Variants in TERF2 observed in about 807,000 individuals in gnomAD.
The protein encoded by TERF2 is telomeric repeat binding factor 2, also known as telomeric repeat-binding factor 2.
TERF2 carries 16 observed loss-of-function variants against 56.1 expected under a neutral mutation model. The observed-to-expected ratio is 0.29, with a 90% confidence interval of 0.19 to 0.43. The LOEUF is 0.43. TERF2 is among the 20% of genes least tolerant of loss of function. TERF2 has a pLI of 1.00. For missense variants in TERF2, 547 were observed against 712.9 expected, an observed-to-expected ratio of 0.77 and a Z score of 2.65; for synonymous variants, 296 against 282.1, an observed-to-expected ratio of 1.05 and a Z score of -0.50.
intron 8 of TERF2, 36 bp from the exon 9 acceptor site, chr16:69,357,597 C>A: frequency 6.2e-7 from 1 of 1,609,832 alleles, no homozygotes; most frequent in South Asian, 1.1e-5. Context: ...TTTCAGAGTT[C>A]ACCTTTCTCT....
At position 69,383,462 on chromosome 16, in the gene TERF2, T is replaced by G. The variant is rs79375086; in HGVS notation, c.606+1118A>C. Among the ~76,000 whole-genome samples the G allele has an allele frequency of 4.9e-3, 742 of 152,346 alleles. 6 individuals carry two copies. The highest frequency in any genetic ancestry group is 8.1e-3 in the Non-Finnish European group (554 of 68,032). ...AAAAGATCCTTAACAGTTCTGAAAGTAGGCATGAATTTCTCCTCCCTTGAT... is the reference window on the plus strand; with the variant it reads ...AAAAGATCCTTAACAGTTCTGAAAGGAGGCATGAATTTCTCCTCCCTTGAT... On this transcript the variant is annotated intron_variant, in intron 3 of 9. Coordinates refer to ENST00000254942, the MANE Select transcript of TERF2 (RefSeq NM_005652.5).
At chr16:69,372,468 C>G in intron 3 of TERF2, 113 bp from the exon 4 acceptor site, 1 of 746,244 alleles carries the variant, frequency 1.3e-6, no homozygotes, top group Non-Finnish European at 2.1e-6. Flanking sequence ...TACTTAAAAA[C>G]TAACAATTAT....
chr16:69,365,839 T>A (rs1402009540), intron 7 of TERF2: 1 of 152,222 alleles, frequency 6.6e-6, no homozygotes, highest in African/African-American at 2.4e-5. Flanking sequence ...GGAAGGAGAA[T>A]TGTAAGAGAG....
At chr16:69,372,430 C>T (rs1312131992) in intron 3 of TERF2, 75 bp from the exon 4 acceptor site, 8 of 958,398 alleles carry the variant, frequency 8.3e-6, no homozygotes, top group African/African-American at 8.3e-5. Context: ...ATCAAAATAA[C>T]TCTCTCTCAC....
rs1247554270 is a variant in TERF2, at chr16:69,361,478, C to G, written c.1352G>C (p.Gly451Ala). 1 of 1,613,374 alleles carries G rather than the reference C, an allele frequency of 6.2e-7. No homozygotes were observed. The highest frequency in any genetic ancestry group is 1.1e-5 in the South Asian group (1 of 91,068). ...PGEKNPKVPK[G>A]KWNSSNGVEE... is the part of the protein sequence containing the mutation. Reference sequence around the variant, plus strand: ...AACCCCATTAGAGCTGTTCCACTTGCCTTTGGGTACTCTGAGGGGAGATCA... The same window carrying G: ...AACCCCATTAGAGCTGTTCCACTTGGCTTTGGGTACTCTGAGGGGAGATCA... The change falls in exon 8 of 10, where the codon GGC becomes GCC. Residue 451 changes from glycine to alanine, a missense_variant. Around this residue, in one of 6 missense-constraint regions of TERF2, gnomAD observed 211 missense variants for 236.8 expected, o/e 0.89. Coordinates refer to ENST00000254942, the MANE Select transcript of TERF2 (RefSeq NM_005652.5).
intron 3 of TERF2, among the ~76,000 whole-genome samples, chr16:69,373,990 G>A (rs2013673755): frequency 6.6e-6 from 1 of 152,186 alleles, no homozygotes; most frequent in Admixed American, 6.5e-5. Context: ...GCCATACAGG[G>A]CGGAAGGCAA....
At chr16:69,361,955 C>T (rs748211379) in intron 7 of TERF2, among the ~76,000 whole-genome samples, 1 of 98,152 alleles carries the variant, frequency 1.0e-5, no homozygotes, top group African/African-American at 3.9e-5. Flanking sequence ...TAACTAGAGT[C>T]TCTGCCGCTA....
chr16:69,384,824 T>C, intron 2 of TERF2, 114 bp from the exon 3 acceptor site: 3 of 1,014,738 alleles, frequency 3.0e-6, no homozygotes, highest in Middle Eastern at 2.8e-4. Flanking sequence ...TGGTAAGATT[T>C]GCATTTAATT....
intron 3 of TERF2, among the ~76,000 whole-genome samples, chr16:69,377,933 C>T (rs1567454061): frequency 6.6e-6 from 1 of 151,864 alleles, no homozygotes; most frequent in Non-Finnish European, 1.5e-5. Context: ...ATTCTGTATG[C>T]TTTTTCCCCC....
At chr16:69,357,661 A>T (rs185930328) in intron 8 of TERF2, 100 bp from the exon 9 acceptor site, 2 of 1,400,882 alleles carry the variant, frequency 1.4e-6, no homozygotes, top group African/African-American at 2.9e-5. Flanking sequence ...AACTTCTTCA[A>T]ATTTCACAAG....
At chr16:69,368,219 C>T (rs565274860) in intron 6 of TERF2, among the ~76,000 whole-genome samples, 157 bp downstream of exon 6, 2 of 152,274 alleles carry the variant, frequency 1.3e-5, no homozygotes, top group East Asian at 3.9e-4. Flanking sequence ...CTTATCTTCC[C>T]AGGGTGTGCA....
chr16:69,361,513 C>T (rs1223230695), intron 7 of TERF2, 24 bp from the exon 8 acceptor site: 3 of 1,549,068 alleles, frequency 1.9e-6, no homozygotes, highest in Admixed American at 3.3e-5. Flanking sequence ...AAGGAGAGCA[C>T]AGGTATAAAA....
At chr16:69,366,726 T>C in intron 7 of TERF2, 81 bp downstream of exon 7, 3 of 1,497,930 alleles carry the variant, frequency 2.0e-6, no homozygotes, top group Non-Finnish European at 2.7e-6. Flanking sequence ...AGCTGAAAGT[T>C]ACTTCATTCA....
At chr16:69,370,850 C>CTAT (rs1368868708) in intron 4 of TERF2, among the ~76,000 whole-genome samples, 2 of 152,058 alleles carry the variant, frequency 1.3e-5, no homozygotes, top group Non-Finnish European at 2.9e-5. Context: ...TAAAGAAGTT[C>CTAT]CTTATATGCT....
chr16:69,382,870 A>C (rs1192501448), intron 3 of TERF2, among the ~76,000 whole-genome samples: 3 of 152,160 alleles, frequency 2.0e-5, no homozygotes. Context: ...AGATAATATT[A>C]ACTGTTTTGA....
intron 3 of TERF2, among the ~76,000 whole-genome samples, chr16:69,380,857 A>G (rs1165404208): frequency 6.9e-6 from 1 of 145,088 alleles, no homozygotes. Flanking sequence ...GCTGGAGTGC[A>G]GTGGTGTGAT....
intron 5 of TERF2, chr16:69,370,250 C>T (rs2013515137): frequency 2.0e-6 from 1 of 504,898 alleles, no homozygotes; most frequent in Non-Finnish European, 3.4e-6. Flanking sequence ...AGGCAGGTCT[C>T]GAACTCCTGA....
intron 7 of TERF2, 66 bp from the exon 8 acceptor site, chr16:69,361,555 T>C (rs2142711541): frequency 8.4e-7 from 1 of 1,188,728 alleles, no homozygotes; most frequent in Non-Finnish European, 1.3e-6. Flanking sequence ...CAGATTCTGG[T>C]CTTGGCTCAC....
Position 69,357,023 on chromosome 16 carries a change from C to A in TERF2, c.1504G>T (p.Ala502Ser), listed in dbSNP as rs933362859. The change falls in exon 10 of 10, where the codon GCT (alanine) becomes TCT (serine). Residue 502 changes from alanine (A) to serine (S), a missense_variant. Coordinates refer to ENST00000254942, the MANE Select transcript of TERF2 (RefSeq NM_005652.5). ...CCTTCCCCATATTTCTGCACTCCAG[C>A]CTTGACCCACTCGCTTTCTTCTACA... ...WTVEESEWVK[A>S]GVQKYGEGNW... is the part of the protein sequence containing the mutation. 6 of 1,612,518 alleles carry A rather than the reference C, an allele frequency of 3.7e-6. No individual in the cohort carries two copies. The highest frequency in any genetic ancestry group is 1.7e-5 in the Admixed American group (1 of 59,530).
Sources: gnomAD v4.1 joint callset for allele counts (sites outside exome capture counted in the v4.1 genomes callset) on GRCh38, gnomAD v4.1.1 for gene constraint, gnomAD v4.1.1 regional missense constraint, MANE v1.5 for transcripts, NCBI Gene and HGNC (gene_info 2026-07-23, HGNC 2026-07-21) for gene names.